The following CAPZA2 variants were observed in gnomAD, a reference collection of about 807,000 sequenced individuals.
The protein encoded by CAPZA2 is capping actin protein of muscle Z-line subunit alpha 2.
A neutral mutation model predicts 44.0 loss-of-function variants in CAPZA2; 13 were observed. The ratio of observed to expected loss-of-function variants is 0.30; its 90% CI spans 0.19 to 0.47. The LOEUF is 0.47. Among genes scored for constraint, CAPZA2 ranks in the 20% least tolerant of loss-of-function variants. CAPZA2 has a pLI of 1.00. For missense variants in CAPZA2, 244 were observed against 338.6 expected, an observed-to-expected ratio of 0.72 and a Z score of 2.19; for synonymous variants, 94 against 108.2, an observed-to-expected ratio of 0.87 and a Z score of 0.81.
At chr7:116,865,433 C>T (rs1225565399) in intron 1 of CAPZA2, among the ~76,000 whole-genome samples, 1 of 151,694 alleles carries the variant, frequency 6.6e-6, no homozygotes, top group Non-Finnish European at 1.5e-5. Flanking sequence ...TGATCCACCC[C>T]CCTCGGCCTC....
At chr7:116,905,481 A>G (rs1791485233) in intron 5 of CAPZA2, among the ~76,000 whole-genome samples, 1 of 151,764 alleles carries the variant, frequency 6.6e-6, no homozygotes, top group Admixed American at 6.6e-5. Flanking sequence ...TCTCAATGTA[A>G]TTATTAATAT....
rs1289048676 is a variant in CAPZA2 at position 116,906,617 on chromosome 7, C to T, written c.506+275C>T. On this transcript the variant is annotated intron_variant, in intron 6 of 9. Transcript: ENST00000361183. ...GTGTGCCTGCGAGAACACCAGTTGG[C>T]AATCCATATGCTCATTCTGTGAAGG... The T allele has an allele frequency of 1.8e-5, 6 of 330,664 alleles. No individual in the cohort carries two copies. In the Admixed American group the frequency reaches 2.5e-4, roughly 14 times the overall value. 20.5% of individuals were successfully genotyped at this position (330,664 alleles called of 1,614,324 possible).
At chr7:116,912,179 T>C in intron 8 of CAPZA2, 39 bp downstream of exon 8, 1 of 1,605,078 alleles carries the variant, frequency 6.2e-7, no homozygotes, top group Non-Finnish European at 8.5e-7. Context: ...AACCTAATAC[T>C]TCTGTAAAAC....
intron 1 of CAPZA2, among the ~76,000 whole-genome samples, chr7:116,863,606 G>A (rs1446774952): frequency 6.6e-6 from 1 of 152,154 alleles, no homozygotes; most frequent in Non-Finnish European, 1.5e-5. Flanking sequence ...CCATTCCCGA[G>A]GGTGGTGGGG....
rs201301734 is a variant in CAPZA2 at position 116,889,549 on chromosome 7, C to CCCCT, written c.103+1363_103+1366dup. Among the ~76,000 whole-genome samples the CCCCT allele has an allele frequency of 7.8e-3, 1,179 of 150,834 alleles. 18 individuals are homozygous for CCCCT. Among genetic ancestry groups the CCCCT allele is most frequent in the African/African-American group, 0.026 (1,068 of 41,068 alleles). On this transcript the variant is annotated intron_variant, in intron 2 of 9. Transcript: ENST00000361183. ...CCAGCCTGGGCAACATAGTGAGGCC[C>CCCCT]CCCTCCCCATCTCTACCAAAAAAAA...
chr7:116,910,389 A>G (rs1338379323), intron 7 of CAPZA2, 78 bp downstream of exon 7: 3 of 739,252 alleles, frequency 4.1e-6, no homozygotes, highest in Middle Eastern at 2.7e-4. Flanking sequence ...TTACATTTTC[A>G]TAGTATATCA....
chr7:116,909,243 T>C (rs1791554454), intron 6 of CAPZA2, among the ~76,000 whole-genome samples: 1 of 152,122 alleles, frequency 6.6e-6, no homozygotes, highest in African/African-American at 2.4e-5. Flanking sequence ...AAAGCCAGTA[T>C]AGTGATTAAT....
intron 3 of CAPZA2, among the ~76,000 whole-genome samples, chr7:116,893,748 A>G (rs1796882538): frequency 6.6e-6 from 1 of 152,196 alleles, no homozygotes; most frequent in Non-Finnish European, 1.5e-5. Flanking sequence ...ATTTACTCAT[A>G]AATGCCTAAC....
intron 1 of CAPZA2, among the ~76,000 whole-genome samples, chr7:116,885,751 G>T (rs1426842808): frequency 1.3e-5 from 2 of 152,084 alleles, no homozygotes; most frequent in Non-Finnish European, 2.9e-5. Flanking sequence ...ATGGAGGAGG[G>T]GATCAGAGCC....
intron 8 of CAPZA2, among the ~76,000 whole-genome samples, chr7:116,914,508 G>T (rs182013643): frequency 7.9e-5 from 12 of 151,044 alleles, no homozygotes; most frequent in African/African-American, 2.4e-4. Flanking sequence ...TGTTGCCCAG[G>T]TTACAGTGCA....
intron 8 of CAPZA2, 149 bp downstream of exon 8, chr7:116,912,289 C>A: frequency 8.2e-7 from 1 of 1,223,486 alleles, no homozygotes; most frequent in Non-Finnish European, 1.1e-6. Flanking sequence ...CTGTACCTAA[C>A]TTTTTTGCAG....
At chr7:116,884,453 T>G (rs1796736226) in intron 1 of CAPZA2, among the ~76,000 whole-genome samples, 1 of 152,168 alleles carries the variant, frequency 6.6e-6, no homozygotes, top group African/African-American at 2.4e-5. Flanking sequence ...ACCATTCATC[T>G]TTTCGTCATT....
At chr7:116,901,972 G>A (rs1294663263) in intron 4 of CAPZA2, among the ~76,000 whole-genome samples, 3 of 151,484 alleles carry the variant, frequency 2.0e-5, no homozygotes, top group Non-Finnish European at 4.4e-5. Context: ...CAATGAGGGA[G>A]AATTGCCTTA....
intron 3 of CAPZA2, among the ~76,000 whole-genome samples, chr7:116,897,392 T>C (rs1796942489): frequency 6.6e-6 from 1 of 152,206 alleles, no homozygotes; most frequent in African/African-American, 2.4e-5. Context: ...GTCATCTTTT[T>C]TGAGCATGTA....
chr7:116,917,945 C>A lies in CAPZA2; in HGVS notation c.*78C>A. ...TGCAAAAGTATTCTGAACTGTCAAG[C>A]TGCCCAGTCAGATGGGCTGTTGCCA... On this transcript the variant is annotated 3_prime_UTR_variant, in exon 10 of 10. Coordinates refer to ENST00000361183, the MANE Select transcript of CAPZA2 (RefSeq NM_006136.3). 2 of 1,232,838 alleles carry A rather than the reference C, an allele frequency of 1.6e-6. No homozygotes were observed. Among genetic ancestry groups the A allele is most frequent in the Middle Eastern group, 1.9e-4 (1 of 5,300 alleles). 76.4% of individuals were successfully genotyped at this position (1,232,838 alleles called of 1,614,324 possible). A position where few individuals can be genotyped will look rare whatever the true frequency, so the allele number is the denominator to read the frequency against.
At chr7:116,866,450 C>T (rs1159687712) in intron 1 of CAPZA2, among the ~76,000 whole-genome samples, 3 of 152,206 alleles carry the variant, frequency 2.0e-5, no homozygotes, top group African/African-American at 7.2e-5. Flanking sequence ...GGATTACAGG[C>T]GTGAGCCACC....
chr7:116,917,546 C>T lies in CAPZA2; in HGVS notation c.721-181C>T, dbSNP rs748801849. 2.6e-5 allele frequency among the ~76,000 whole-genome samples: 4 copies of T among 152,202 alleles called. No homozygotes were observed. In the East Asian group the frequency reaches 5.8e-4, roughly 22 times the overall value. On this transcript the variant is annotated intron_variant, in intron 9 of 9. Coordinates refer to ENST00000361183, the MANE Select transcript of CAPZA2 (RefSeq NM_006136.3). ...TGCTGGGATTACAGGCGTGAGCCAC[C>T]GCGCCCGGCTCTTCTAGCTGCTGTT...
Position 116,916,056 on chromosome 7 carries a change from TCA to T in CAPZA2, c.658-3_658-2del. ...TATTTTTATTTTGTTTTTTTTTTTT[TCA>T]GAATGAAGTGCAAACAGCAAAAGAA... On this transcript the variant is annotated splice_acceptor_variant and splice_polypyrimidine_tract_variant and intron_variant, in intron 8 of 9. Coordinates refer to ENST00000361183, the MANE Select transcript of CAPZA2 (RefSeq NM_006136.3). LOFTEE classifies it high-confidence loss of function. The T allele has an allele frequency of 2.6e-6, 4 of 1,516,674 alleles. No individual in the cohort carries two copies. The highest frequency in any genetic ancestry group is 2.3e-5 in the East Asian group (1 of 42,556). The allele number at this position is 1,516,674 out of a possible 1,614,324, so 94.0% of individuals were successfully genotyped here. A position where few individuals can be genotyped will look rare whatever the true frequency, so the allele number is the denominator to read the frequency against.
In CAPZA2 at chr7:116,872,288, A is replaced by C. The variant is rs555829423; in HGVS notation, c.39+9638A>C. Among the ~76,000 whole-genome samples, 278 of 152,324 alleles carry C rather than the reference A, an allele frequency of 1.8e-3. 1 individual carries two copies. The highest frequency in any genetic ancestry group is 6.3e-3 in the African/African-American group (264 of 41,586). On this transcript the variant is annotated intron_variant, in intron 1 of 9. Transcript: ENST00000361183. ...GAAGGGAAAAGGAAATTGAAAACGTAAGATAAAGAATAGTTTACATAACTT... is the reference window on the plus strand; with the variant it reads ...GAAGGGAAAAGGAAATTGAAAACGTCAGATAAAGAATAGTTTACATAACTT...
Sources: allele counts gnomAD v4.1 joint callset (sites outside exome capture counted in the v4.1 genomes callset), GRCh38; gene constraint gnomAD v4.1.1; transcripts MANE v1.5; gene names NCBI Gene and HGNC (gene_info 2026-07-23, HGNC 2026-07-21).